The following VAV1 variants were observed in gnomAD, a reference collection of about 807,000 sequenced individuals.
The protein encoded by VAV1 is proto-oncogene vav.
In VAV1, 33 loss-of-function variants were observed where a neutral mutation model predicts 128.1. The ratio of observed to expected loss-of-function variants is 0.26; its 90% CI spans 0.20 to 0.34. The LOEUF (loss-of-function observed/expected upper bound fraction) is 0.34, where lower values mean the gene tolerates loss of function less well. Among genes scored for constraint, VAV1 ranks in the 10% least tolerant of loss-of-function variants. The pLI, the probability that VAV1 is intolerant of heterozygous loss-of-function variation, is 1.00. For synonymous variants in VAV1, 394 were observed against 409.8 expected (o/e 0.96, Z 0.47); for missense variants, 715 against 1,093.7 (o/e 0.65, Z 4.88).
chr19:6,808,102 C>T (rs1165909625), intron 1 of VAV1, among the ~76,000 whole-genome samples: 1 of 151,802 alleles, frequency 6.6e-6, no homozygotes, highest in Non-Finnish European at 1.5e-5. Context: ...TGCCTGAGGT[C>T]AGGAGTTTGA....
At chr19:6,813,949 A>G (rs1173509167) in intron 1 of VAV1, among the ~76,000 whole-genome samples, 2 of 152,084 alleles carry the variant, frequency 1.3e-5, no homozygotes, top group Admixed American at 6.6e-5. Flanking sequence ...AGTCCCAGCT[A>G]CTTGGGAGAC....
intron 1 of VAV1, among the ~76,000 whole-genome samples, chr19:6,794,810 T>C (rs1205946721): frequency 2.0e-5 from 3 of 152,214 alleles, no homozygotes; most frequent in Non-Finnish European, 4.4e-5. Context: ...TCACAGATTC[T>C]ATGACTCAGG....
At chr19:6,815,959 C>T (rs1034769445) in intron 1 of VAV1, among the ~76,000 whole-genome samples, 1 of 151,322 alleles carries the variant, frequency 6.6e-6, no homozygotes, top group Non-Finnish European at 1.5e-5. Context: ...GAGGCTGAGG[C>T]AGGAGGATTG....
rs181162973 is a variant in VAV1, at chr19:6,779,887, G to A, written c.204+6876G>A. Among the ~76,000 whole-genome samples, 1,432 of 149,340 alleles carry A rather than the reference G, an allele frequency of 9.6e-3. 38 individuals carry two copies. The highest frequency in any genetic ancestry group is 0.033 in the African/African-American group (1,370 of 41,070). ...AGCACTTTGGGAGGCCGAGGCGGGC[G>A]GATCACAAGGTCAGGAGATCGAGAC... On this transcript the variant is annotated intron_variant, in intron 1 of 26. Coordinates refer to ENST00000602142, the MANE Select transcript of VAV1 (RefSeq NM_005428.4).
intron 1 of VAV1, among the ~76,000 whole-genome samples, chr19:6,809,895 G>T (rs1344152373): frequency 6.6e-6 from 1 of 152,152 alleles, no homozygotes; most frequent in East Asian, 1.9e-4. Flanking sequence ...TTCCAGCCAG[G>T]TGCAGTGGCT....
chr19:6,827,988 G>A lies in VAV1; in HGVS notation c.928-88G>A, dbSNP rs867275419. ...AGCTCTGGGGTGGAGAGCTGCTCAC[G>A]TATTTATTCAAATCTATCTGCACCC... is the stretch of plus-strand genomic sequence containing the variant. On this transcript the variant is annotated intron_variant, in intron 9 of 26. Coordinates refer to ENST00000602142, the MANE Select transcript of VAV1 (RefSeq NM_005428.4). 22 of 1,101,172 alleles carry A rather than the reference G, an allele frequency of 2.0e-5. No homozygotes were observed. In the East Asian group the frequency reaches 2.6e-4, roughly 13 times the overall value. The allele number at this position is 1,101,172 out of a possible 1,614,324, so 68.2% of individuals were successfully genotyped here. A position where few individuals can be genotyped will look rare whatever the true frequency, so the allele number is the denominator to read the frequency against.
Position 6,843,181 on chromosome 19 carries a change from T to G in VAV1, c.2012+15T>G, listed in dbSNP as rs770387358. 6.2e-7 allele frequency: 1 copy of G among 1,613,964 alleles called. No individual in the cohort carries two copies. The highest frequency in any genetic ancestry group is 1.7e-5 in the Admixed American group (1 of 59,976). On this transcript the variant is annotated intron_variant, in intron 22 of 26. Coordinates refer to ENST00000602142, the MANE Select transcript of VAV1 (RefSeq NM_005428.4). The stretch of plus-strand genomic sequence containing the variant: ...GTTCATCTCTGGTGAGTAGAAACAT[T>G]TATTTTTGTTTCAATGAGAGGTTTC...
intron 1 of VAV1, among the ~76,000 whole-genome samples, chr19:6,792,412 G>A (rs1971036999): frequency 6.6e-6 from 1 of 152,054 alleles, no homozygotes; most frequent in East Asian, 1.9e-4. Context: ...AGAGGAGGCA[G>A]GGTGGTGTCT....
At position 6,777,710 on chromosome 19, in the gene VAV1, C is replaced by T. The variant is rs1437387283; in HGVS notation, c.204+4699C>T. ...AGGTCAGGTTGGATGAATCTCCAAG[C>T]GGCTGGTCCCCTTGAGATCTGAGGC... On this transcript the variant is annotated intron_variant, in intron 1 of 26. Coordinates refer to ENST00000602142, the MANE Select transcript of VAV1 (RefSeq NM_005428.4). This position sits in a 1 kb window ranked among gnomAD's most constrained non-coding sequence, Gnocchi z 4.4. 6.6e-6 allele frequency among the ~76,000 whole-genome samples: 1 copy of T among 152,128 alleles called. No homozygotes were observed. Among genetic ancestry groups the T allele is most frequent in the Admixed American group, 6.6e-5 (1 of 15,242 alleles).
intron 22 of VAV1, among the ~76,000 whole-genome samples, chr19:6,846,088 A>T (rs953563277): frequency 6.7e-6 from 1 of 149,124 alleles, no homozygotes; most frequent in Admixed American, 6.7e-5. Flanking sequence ...TATATGTTAC[A>T]TTTATGTCAT....
intron 26 of VAV1, among the ~76,000 whole-genome samples, chr19:6,855,779 A>G (rs1446385791): frequency 6.6e-6 from 1 of 151,306 alleles, no homozygotes; most frequent in Non-Finnish European, 1.5e-5. Context: ...CCATTCACCA[A>G]CCCAAGTATC....
intron 1 of VAV1, among the ~76,000 whole-genome samples, chr19:6,784,435 G>A (rs939209121): frequency 6.6e-6 from 1 of 151,908 alleles, no homozygotes; most frequent in Non-Finnish European, 1.5e-5. Flanking sequence ...AGGGCCAACA[G>A]GAGGGGCATC....
intron 1 of VAV1, among the ~76,000 whole-genome samples, chr19:6,807,340 A>C (rs996740127): frequency 6.6e-6 from 1 of 151,666 alleles, no homozygotes; most frequent in Non-Finnish European, 1.5e-5. Context: ...GCAGATCATC[A>C]GGCACCAGAT....
intron 15 of VAV1, among the ~76,000 whole-genome samples, chr19:6,832,496 T>C (rs1483064963): frequency 5.6e-4 from 69 of 123,808 alleles, no homozygotes; most frequent in Admixed American, 1.4e-3. Context: ...TCCTCCTCTT[T>C]CTCCTTCTCC....
intron 1 of VAV1, among the ~76,000 whole-genome samples, chr19:6,806,998 G>T (rs1285809027): frequency 2.0e-5 from 3 of 152,176 alleles, no homozygotes; most frequent in African/African-American, 7.2e-5. Context: ...TGTAATCAAT[G>T]CTGTGTATTC....
At chr19:6,814,671 C>CCTTCCTTCCTTCCTTTCTTTCTTCCTTT in intron 1 of VAV1, among the ~76,000 whole-genome samples, 2 of 25,796 alleles carry the variant, frequency 7.8e-5, no homozygotes, top group African/African-American at 3.2e-4. Context: ...TTCCTTCCTT[C>CCTTCCTTCCTTCCTTTCTTTCTTCCTTT]CTTTCTTTCT....
chr19:6,812,323 G>A (rs1042811664), intron 1 of VAV1, among the ~76,000 whole-genome samples: 1 of 152,138 alleles, frequency 6.6e-6, no homozygotes, highest in Non-Finnish European at 1.5e-5. Flanking sequence ...AGTGATGAGT[G>A]AAGATTGGAA....
chr19:6,796,294 T>C (rs913834978), intron 1 of VAV1, among the ~76,000 whole-genome samples: 1 of 152,108 alleles, frequency 6.6e-6, no homozygotes, highest in Admixed American at 6.6e-5. Context: ...TTCAAAATCA[T>C]TTATTTGTCC....
chr19:6,784,493 C>CT lies in VAV1; in HGVS notation c.204+11500dup, dbSNP rs10590205. 3.5e-3 allele frequency among the ~76,000 whole-genome samples: 486 copies of CT among 138,030 alleles called. 2 individuals carry two copies. Among genetic ancestry groups the CT allele is most frequent in the African/African-American group, 5.2e-3 (196 of 37,568 alleles). The allele number at this position is 138,030 out of a possible 152,430, so 90.6% of individuals were successfully genotyped here. ...CATCCCTTTCCATTCCATTCTGTTC[C>CT]TTTTTTTTTTTTTTTTTTGAGACAG... On this transcript the variant is annotated intron_variant, in intron 1 of 26. Transcript: ENST00000602142.
Sources: allele counts gnomAD v4.1 joint callset (sites outside exome capture counted in the v4.1 genomes callset), GRCh38; gene constraint gnomAD v4.1.1; non-coding constraint Gnocchi (gnomAD v3.1); transcripts MANE v1.5; gene names NCBI Gene and HGNC (gene_info 2026-07-23, HGNC 2026-07-21).